The following LARP4B variants were observed in gnomAD, a reference collection of about 807,000 sequenced individuals.
LARP4B encodes la-related protein 4B.
A neutral mutation model predicts 89.8 loss-of-function variants in LARP4B; 12 were observed. The ratio of observed to expected loss-of-function variants is 0.13; its 90% CI spans 0.09 to 0.22. The LOEUF (loss-of-function observed/expected upper bound fraction) is 0.22. LARP4B is among the 10% of genes least tolerant of loss of function. LARP4B has a pLI of 1.00. For missense variants in LARP4B, 757 were observed against 947.7 expected (o/e 0.80, Z 2.64); for synonymous variants, 367 against 363.3 (o/e 1.01, Z -0.12).
chr10:875,531 G>GTGAAACCA (rs1221358396), intron 3 of LARP4B, among the ~76,000 whole-genome samples: 1 of 152,178 alleles, frequency 6.6e-6, no homozygotes, highest in East Asian at 1.9e-4. Context: ...GAAGTCCTTT[G>GTGAAACCA]TGAAACCATT....
At chr10:813,801 C>CTTTT (rs35886091) in intron 17 of LARP4B, among the ~76,000 whole-genome samples, 2 of 136,272 alleles carry the variant, frequency 1.5e-5, no homozygotes, top group African/African-American at 5.3e-5. Context: ...CCCTTAATAA[C>CTTTT]TTTTTTTTTT....
intron 1 of LARP4B, among the ~76,000 whole-genome samples, chr10:894,610 TAAAG>T (rs1380534119): frequency 6.6e-5 from 10 of 152,320 alleles, no homozygotes; most frequent in African/African-American, 2.4e-4. Context: ...GCCTAGGTAA[TAAAG>T]ACATGATAAA....
chr10:900,238 T>C (rs1177379527), intron 1 of LARP4B, among the ~76,000 whole-genome samples: 2 of 151,948 alleles, frequency 1.3e-5, no homozygotes, highest in Non-Finnish European at 2.9e-5. Flanking sequence ...TCTCAGCTAC[T>C]GGGGAGGCTG....
At chr10:938,555 A>G in the LARP4B span, among the ~76,000 whole-genome samples, 5 of 152,136 alleles carry the variant, frequency 3.3e-5, no homozygotes, top group African/African-American at 4.8e-5. Flanking sequence ...GCCCGGCCGA[A>G]TTGGTTCATT....
chr10:988,253 T>C, the LARP4B span: 2 of 502,970 alleles, frequency 4.0e-6, no homozygotes, highest in Non-Finnish European at 7.1e-6. Flanking sequence ...CCGGGCGTCC[T>C]CTCCTCTGTA....
At chr10:899,975 A>G (rs1027129297) in intron 1 of LARP4B, among the ~76,000 whole-genome samples, 1 of 152,030 alleles carries the variant, frequency 6.6e-6, no homozygotes, top group Non-Finnish European at 1.5e-5. Flanking sequence ...TACCACCCAG[A>G]CTTTGATCCC....
chr10:937,929 G>C, the LARP4B span, among the ~76,000 whole-genome samples: 1 of 152,030 alleles, frequency 6.6e-6, no homozygotes, highest in African/African-American at 2.4e-5. Flanking sequence ...CTGTCTCCCA[G>C]GCTGGAGTGC....
the LARP4B span, among the ~76,000 whole-genome samples, chr10:960,425 C>T: frequency 2.6e-5 from 4 of 151,912 alleles, no homozygotes; most frequent in Middle Eastern, 3.4e-3. Context: ...TGGTGGGAGG[C>T]GCTGGGTATG....
chr10:834,097 G>A (rs1833073183), intron 8 of LARP4B, among the ~76,000 whole-genome samples: 1 of 151,984 alleles, frequency 6.6e-6, no homozygotes, highest in Non-Finnish European at 1.5e-5. Context: ...ACAGCAACAA[G>A]GAAAAACAGG....
the LARP4B span, among the ~76,000 whole-genome samples, chr10:976,451 G>A: frequency 1.0e-4 from 15 of 149,858 alleles, no homozygotes; most frequent in Non-Finnish European, 1.8e-4. Flanking sequence ...TGTGCGGTCC[G>A]GCCTAGTAGA....
chr10:936,900 T>G, the LARP4B span, among the ~76,000 whole-genome samples: 1 of 152,310 alleles, frequency 6.6e-6, no homozygotes, highest in East Asian at 1.9e-4. Context: ...ATTTGAATAC[T>G]GTGAGTAAAA....
intron 5 of LARP4B, among the ~76,000 whole-genome samples, chr10:847,082 G>A (rs1363212225): frequency 6.6e-6 from 1 of 152,042 alleles, no homozygotes; most frequent in African/African-American, 2.4e-5. Flanking sequence ...GGACTCAAGA[G>A]GGAATGGAAG....
At chr10:879,201 T>C (rs1043492241) in intron 3 of LARP4B, among the ~76,000 whole-genome samples, 11 of 152,204 alleles carry the variant, frequency 7.2e-5, no homozygotes, top group African/African-American at 2.7e-4. Context: ...AATCAAAATG[T>C]TACAATACTA....
chr10:923,602 A>C (rs1837049026), intron 1 of LARP4B, among the ~76,000 whole-genome samples: 1 of 152,210 alleles, frequency 6.6e-6, no homozygotes, highest in South Asian at 2.1e-4. Flanking sequence ...CAACAATGAA[A>C]TACAAATATG....
chr10:899,509 A>G (rs1836275826), intron 1 of LARP4B, among the ~76,000 whole-genome samples: 3 of 152,200 alleles, frequency 2.0e-5, no homozygotes, highest in African/African-American at 7.2e-5. Flanking sequence ...CAGGACAGAA[A>G]TACATATCCC....
chr10:860,801 C>T (rs1379547038), intron 5 of LARP4B, among the ~76,000 whole-genome samples: 3 of 152,062 alleles, frequency 2.0e-5, no homozygotes, highest in Non-Finnish European at 2.9e-5. Context: ...CCCAGGAGTT[C>T]CATCTTTTTT....
chr10:921,273 C>CAA (rs533813082), intron 1 of LARP4B, among the ~76,000 whole-genome samples: 1 of 138,578 alleles, frequency 7.2e-6, no homozygotes, highest in Non-Finnish European at 1.6e-5. Flanking sequence ...AACTCCATCT[C>CAA]AAAAAAAAAA....
the LARP4B span, among the ~76,000 whole-genome samples, chr10:983,960 T>C: frequency 6.6e-6 from 1 of 152,226 alleles, no homozygotes; most frequent in African/African-American, 2.4e-5. Flanking sequence ...GAAAGGCACT[T>C]AGCTTACTAT....
At position 812,846 on chromosome 10, in the gene LARP4B, G is replaced by A. The variant is rs1831811471; in HGVS notation, c.*80C>T. The stretch of plus-strand genomic sequence containing the variant: ...AGACACTGCAAGCTCCTAACCAGCG[G>A]CTCGCCCTCGCACTGAGTGGGAGAG... On this transcript the variant is annotated 3_prime_UTR_variant, in exon 18 of 18. Transcript: ENST00000316157. The A allele has an allele frequency of 7.7e-7, 1 of 1,296,714 alleles. No individual in the cohort carries two copies. The allele number at this position is 1,296,714 out of a possible 1,614,324, so 80.3% of individuals were successfully genotyped here.
Sources: gnomAD v4.1 joint callset for allele counts (sites outside exome capture counted in the v4.1 genomes callset) on GRCh38, gnomAD v4.1.1 for gene constraint, MANE v1.5 for transcripts, NCBI Gene and HGNC (gene_info 2026-07-23, HGNC 2026-07-21) for gene names.